SMAD3: variants seen among roughly 807,000 people sequenced by gnomAD.
SMAD3 encodes SMAD family member 3, also known as MAD homolog 3.
A neutral mutation model predicts 51.8 loss-of-function variants in SMAD3; 12 were observed. That is an observed-to-expected ratio of 0.23 (90% CI 0.15 to 0.38). SMAD3 has a LOEUF of 0.38. SMAD3 is among the 10% of genes least tolerant of loss of function. The pLI is 1.00. For missense variants in SMAD3, 294 were observed against 565.6 expected, an observed-to-expected ratio of 0.52 and a Z score of 4.87; for synonymous variants, 238 against 227.7, an observed-to-expected ratio of 1.05 and a Z score of -0.41.
At chr15:67,100,014 T>G (rs1228805419) in intron 1 of SMAD3, among the ~76,000 whole-genome samples, 1 of 151,858 alleles carries the variant, frequency 6.6e-6, no homozygotes, top group Non-Finnish European at 1.5e-5. Context: ...AAACCCCATC[T>G]CTACTAAAAA....
chr15:67,099,277 C>T (rs1251619847), intron 1 of SMAD3, among the ~76,000 whole-genome samples: 1 of 152,300 alleles, frequency 6.6e-6, no homozygotes, highest in East Asian at 1.9e-4. Context: ...CACTGTCCTC[C>T]AAAGTTGGAG....
intron 1 of SMAD3, among the ~76,000 whole-genome samples, chr15:67,156,899 C>T (rs1962297422): frequency 6.6e-6 from 1 of 152,226 alleles, no homozygotes; most frequent in African/African-American, 2.4e-5. Context: ...CCCTTCTGCT[C>T]ACATTCCACT....
chr15:67,070,801 G>T (rs926338469), intron 1 of SMAD3, among the ~76,000 whole-genome samples: 2 of 151,702 alleles, frequency 1.3e-5, no homozygotes, highest in Admixed American at 1.3e-4. Flanking sequence ...TTCAGGTCCT[G>T]TACCTGCCAT....
chr15:67,076,235 G>T (rs1222123641), intron 1 of SMAD3, among the ~76,000 whole-genome samples: 1 of 152,140 alleles, frequency 6.6e-6, no homozygotes, highest in South Asian at 2.1e-4. Flanking sequence ...TTCTTAGGCG[G>T]TTCTGCCCTC....
intron 4 of SMAD3, among the ~76,000 whole-genome samples, chr15:67,168,475 G>A (rs1369620623): frequency 6.6e-6 from 1 of 152,226 alleles, no homozygotes; most frequent in African/African-American, 2.4e-5. Context: ...TGGGAAGCAG[G>A]CCAGCGGAGC....
intron 5 of SMAD3, among the ~76,000 whole-genome samples, chr15:67,177,731 T>TGG (rs1962944412): frequency 8.5e-6 from 1 of 117,330 alleles, no homozygotes; most frequent in Non-Finnish European, 1.8e-5. Flanking sequence ...GTCTGTTTTT[T>TGG]TGTTTTTTTT....
chr15:67,194,882 C>A lies in SMAD3; in HGVS notation c.*4346C>A. 4.3e-6 allele frequency: 1 copy of A among 233,622 alleles called. No homozygotes were observed. Among genetic ancestry groups the A allele is most frequent in the Non-Finnish European group, 8.5e-6 (1 of 117,892 alleles). 14.5% of individuals were successfully genotyped at this position (233,622 alleles called of 1,614,324 possible). ...ATCTATCCAAGAAGCCTTCACTCAC[C>A]TTCACTGCTGCTGTTGCAACTCGGC... On this transcript the variant is annotated 3_prime_UTR_variant, in exon 9 of 9. Coordinates refer to ENST00000327367, the MANE Select transcript of SMAD3 (RefSeq NM_005902.4).
chr15:67,101,927 A>G (rs941025188), intron 1 of SMAD3, among the ~76,000 whole-genome samples: 1 of 152,250 alleles, frequency 6.6e-6, no homozygotes, highest in Non-Finnish European at 1.5e-5. Flanking sequence ...GAATGAATGC[A>G]AACTAGTTTG....
intron 1 of SMAD3, among the ~76,000 whole-genome samples, chr15:67,085,695 A>G (rs11856909): frequency 0.64 from 97,845 of 152,010 alleles, 31,776 homozygotes; most frequent in South Asian, 0.81. Flanking sequence ...AGTGAATTTC[A>G]AATTTCTACA....
At chr15:67,136,451 T>C (rs1211423418) in intron 1 of SMAD3, among the ~76,000 whole-genome samples, 3 of 152,002 alleles carry the variant, frequency 2.0e-5, no homozygotes, top group African/African-American at 7.2e-5. Context: ...TGCTTCAGCC[T>C]CCTGAGTAGC....
chr15:67,114,427 C>T (rs1262182710), intron 1 of SMAD3, among the ~76,000 whole-genome samples: 3 of 152,318 alleles, frequency 2.0e-5, no homozygotes, highest in Admixed American at 6.5e-5. Context: ...AAGGAACAAG[C>T]CACCTTCAAC....
At chr15:67,155,269 C>A (rs1014388323) in intron 1 of SMAD3, among the ~76,000 whole-genome samples, 1 of 152,190 alleles carries the variant, frequency 6.6e-6, no homozygotes, top group Admixed American at 6.5e-5. Context: ...GGGCTCATAA[C>A]TCCCTGAAGA....
intron 1 of SMAD3, among the ~76,000 whole-genome samples, chr15:67,094,677 G>A (rs1011693049): frequency 5.3e-5 from 8 of 152,234 alleles, no homozygotes; most frequent in African/African-American, 1.7e-4. Context: ...GGCATTTAGG[G>A]AAATGCGTGG....
chr15:67,122,907 C>T (rs1394853910), intron 1 of SMAD3, among the ~76,000 whole-genome samples: 3 of 152,080 alleles, frequency 2.0e-5, no homozygotes, highest in South Asian at 2.1e-4. Flanking sequence ...TACTTGCGTC[C>T]GGGCATGGTG....
At chr15:67,170,412 AGGCCTTCTCCT>A (rs1231247144) in intron 4 of SMAD3, 131 bp from the exon 5 acceptor site, 1 of 727,030 alleles carries the variant, frequency 1.4e-6, no homozygotes, top group Non-Finnish European at 2.5e-6. Flanking sequence ...GGTATGGGCT[AGGCCTTCTCCT>A]GGGACCCCTC....
chr15:67,184,206 A>G (rs533010295), intron 6 of SMAD3, among the ~76,000 whole-genome samples: 3 of 151,336 alleles, frequency 2.0e-5, no homozygotes, highest in Non-Finnish European at 4.4e-5. Flanking sequence ...GGCTCAAGCA[A>G]TCCACTCACC....
At chr15:67,069,192 G>A (rs1362567443) in intron 1 of SMAD3, among the ~76,000 whole-genome samples, 1 of 152,156 alleles carries the variant, frequency 6.6e-6, no homozygotes, top group African/African-American at 2.4e-5. Context: ...ATTATCAGGG[G>A]AGCTGGCGTG....
chr15:67,138,082 A>G, intron 1 of SMAD3: 1 of 1,551,760 alleles, frequency 6.4e-7, no homozygotes, highest in East Asian at 2.4e-5. Context: ...GTACACCGGA[A>G]AGCATGGTGG....
chr15:67,144,731 T>C (rs1250379395), intron 1 of SMAD3, among the ~76,000 whole-genome samples: 1 of 152,194 alleles, frequency 6.6e-6, no homozygotes, highest in Non-Finnish European at 1.5e-5. Flanking sequence ...TTATGCTGTC[T>C]TTGCAAAAAT....
Sources: gnomAD v4.1 joint callset for allele counts (sites outside exome capture counted in the v4.1 genomes callset) on GRCh38, gnomAD v4.1.1 for gene constraint, MANE v1.5 for transcripts, NCBI Gene and HGNC (gene_info 2026-07-23, HGNC 2026-07-21) for gene names.